SLTM: variants seen among roughly 807,000 people sequenced by gnomAD.
SLTM encodes SAFB like transcription modulator, also known as SAFB-like transcription modulator.
In SLTM, 43 loss-of-function variants were observed where a neutral mutation model predicts 134.6. That is an observed-to-expected ratio of 0.32 (90% CI 0.25 to 0.41). The LOEUF is 0.41. Ranked by LOEUF, SLTM falls within the 10% of genes least tolerant of loss-of-function variation. The probability of loss-of-function intolerance (pLI) is 1.00; values close to 1 mark genes in which losing one functional copy is unlikely to be tolerated. For synonymous variants in SLTM, 424 were observed against 432.3 expected, an observed-to-expected ratio of 0.98 and a Z score of 0.24; for missense variants, 1,055 against 1,288.8, an observed-to-expected ratio of 0.82 and a Z score of 2.78.
At position 58,917,060 on chromosome 15, in the gene SLTM, T is replaced by C. The variant is rs2036701587; in HGVS notation, c.251-61A>G. On this transcript the variant is annotated intron_variant, in intron 2 of 20. Coordinates refer to ENST00000380516, the MANE Select transcript of SLTM (RefSeq NM_024755.4). The stretch of plus-strand genomic sequence containing the variant: ...TTTATTACTTTAAGAACAAAAAATA[T>C]TCAGAGTTTACCCTGCAATAGCACT... 4 of 1,518,918 alleles carry C rather than the reference T, an allele frequency of 2.6e-6. No individual in the cohort carries two copies. The Admixed American group carries it at 5.1e-5, about 19-fold the overall frequency. 94.1% of individuals were successfully genotyped at this position (1,518,918 alleles called of 1,614,324 possible). A position where few individuals can be genotyped will look rare whatever the true frequency, so the allele number is the denominator to read the frequency against.
At chr15:58,916,504 A>G (rs2141150369) in intron 3 of SLTM, 2 of 155,112 alleles carry the variant, frequency 1.3e-5, no homozygotes, top group Admixed American at 1.3e-4. Context: ...GTAGTAACAC[A>G]TCAGCAATTT....
intron 5 of SLTM, among the ~76,000 whole-genome samples, chr15:58,906,050 T>G (rs1409138940): frequency 6.6e-6 from 1 of 152,210 alleles, no homozygotes; most frequent in African/African-American, 2.4e-5. Flanking sequence ...TTGATTTTAC[T>G]GTGCAGTATG....
chr15:58,907,486 G>T (rs1268387058), intron 5 of SLTM, among the ~76,000 whole-genome samples: 2 of 152,096 alleles, frequency 1.3e-5, no homozygotes, highest in Non-Finnish European at 2.9e-5. Flanking sequence ...GACGGGTGTG[G>T]TGGCGCACGC....
chr15:58,923,523 A>G (rs2037243220), intron 2 of SLTM, among the ~76,000 whole-genome samples: 1 of 152,274 alleles, frequency 6.6e-6, no homozygotes, highest in Admixed American at 6.5e-5. Flanking sequence ...CAGGTCCCTA[A>G]CTTTTGTAAT....
Position 58,887,506 on chromosome 15 carries a change from T to G in SLTM, c.2410A>C (p.Lys804Gln). ...DRFVGQSEGK[K>Q]ARPTARREDP... Reference sequence around the variant, plus strand: ...TCCCTTCGTGCAGTAGGTCGTGCTTTTTTCCCCTCACTTTGACCAACAAAG... The same window carrying G: ...TCCCTTCGTGCAGTAGGTCGTGCTTGTTTCCCCTCACTTTGACCAACAAAG... Residue 804 changes from lysine to glutamine, a missense_variant, in exon 18 of 21, where the codon AAA becomes CAA. Transcript: ENST00000380516. The G allele has an allele frequency of 6.2e-7, 1 of 1,613,070 alleles. No individual in the cohort carries two copies. Among genetic ancestry groups the G allele is most frequent in the South Asian group, 1.1e-5 (1 of 91,062 alleles).
At chr15:58,915,573 C>T (rs1461492990) in intron 3 of SLTM, among the ~76,000 whole-genome samples, 11 of 152,056 alleles carry the variant, frequency 7.2e-5, no homozygotes, top group African/African-American at 2.7e-4. Context: ...AATACCAAAA[C>T]TTAAAGGCTC....
At chr15:58,924,154 A>G (rs1455071235) in intron 2 of SLTM, among the ~76,000 whole-genome samples, 1 of 152,230 alleles carries the variant, frequency 6.6e-6, no homozygotes, top group African/African-American at 2.4e-5. Flanking sequence ...AAACTACAAA[A>G]TAAATTGGGC....
chr15:58,921,588 A>G (rs1435149369), intron 2 of SLTM: 4 of 445,502 alleles, frequency 9.0e-6, no homozygotes, highest in East Asian at 1.4e-4. Flanking sequence ...TTGTAATCTT[A>G]AAAGACATTA....
intron 19 of SLTM, 149 bp downstream of exon 19, chr15:58,886,826 T>TAA: frequency 1.0e-6 from 1 of 972,202 alleles, no homozygotes; most frequent in East Asian, 2.7e-5. Context: ...ATTCAGATTT[T>TAA]AAAAATTTAA....
intron 5 of SLTM, among the ~76,000 whole-genome samples, chr15:58,902,564 T>A (rs925028951): frequency 1.3e-5 from 2 of 151,588 alleles, no homozygotes; most frequent in African/African-American, 2.4e-5. Context: ...TTTTTTTTTT[T>A]AATTCTAAGT....
intron 2 of SLTM, among the ~76,000 whole-genome samples, chr15:58,919,102 G>A (rs371588144): frequency 1.2e-4 from 18 of 152,072 alleles, no homozygotes; most frequent in Non-Finnish European, 1.3e-4. Flanking sequence ...TAGTAGAGAC[G>A]GGGTTTCACC....
At chr15:58,890,650 A>G (rs569059890) in intron 14 of SLTM, among the ~76,000 whole-genome samples, 189 bp from the exon 15 acceptor site, 3 of 152,338 alleles carry the variant, frequency 2.0e-5, no homozygotes, top group South Asian at 2.1e-4. Flanking sequence ...TCACTTATCT[A>G]TAAATAAGAC....
chr15:58,883,780 G>A lies in SLTM; in HGVS notation c.2842C>T (p.Pro948Ser). The part of the protein sequence containing the change: ...TDRGGGSQHY[P>S]EERHVVERHG... Reference sequence around the variant, plus strand: ...CGTTCAACCACATGTCGCTCCTCAGGATAGTGCTAAAAGAATAGCATATGA... The same window carrying A: ...CGTTCAACCACATGTCGCTCCTCAGAATAGTGCTAAAAGAATAGCATATGA... Residue 948 changes from proline to serine, a missense_variant, in exon 20 of 21, where the codon CCT becomes TCT. Pro to Ser is a moderately conservative substitution (Grantham distance 74). Around this residue, in one of 3 missense-constraint regions of SLTM, gnomAD observed 776 missense variants for 962.2 expected, o/e 0.81. Transcript: ENST00000380516. The A allele has an allele frequency of 6.2e-7, 1 of 1,613,978 alleles. No individual in the cohort carries two copies. The highest frequency in any genetic ancestry group is 8.5e-7 in the Non-Finnish European group (1 of 1,179,956).
Position 58,889,501 on chromosome 15 carries a change from C to T in SLTM, c.2133G>A (p.Arg711=), listed in dbSNP as rs752789798. ...RIAREREELR[R]QQQQLRYEQE... The stretch of plus-strand genomic sequence containing the variant: ...GTTCATAACGAAGCTGCTGTTGTTG[C>T]CTTCTGAGTTCCTCTCTTTCTCGAG... Residue 711 remains arginine, a synonymous_variant, in exon 16 of 21, where the codon AGG becomes AGA. Transcript: ENST00000380516. The T allele has an allele frequency of 1.2e-6, 2 of 1,614,064 alleles. No individual in the cohort carries two copies. The highest frequency in any genetic ancestry group is 1.1e-5 in the South Asian group (1 of 91,080).
At chr15:58,919,426 CTCTT>C (rs1432534113) in intron 2 of SLTM, among the ~76,000 whole-genome samples, 1 of 151,998 alleles carries the variant, frequency 6.6e-6, no homozygotes, top group African/African-American at 2.4e-5. Flanking sequence ...AGATCCCTAT[CTCTT>C]CAAAAAAAAA....
intron 2 of SLTM, among the ~76,000 whole-genome samples, chr15:58,922,981 G>C (rs1356491208): frequency 1.3e-5 from 2 of 152,110 alleles, no homozygotes; most frequent in African/African-American, 4.8e-5. Flanking sequence ...CTCCCAAAGT[G>C]CTGGGATTAC....
chr15:58,885,060 C>T (rs182547651), intron 19 of SLTM, among the ~76,000 whole-genome samples: 5 of 152,322 alleles, frequency 3.3e-5, no homozygotes, highest in African/African-American at 1.2e-4. Flanking sequence ...AGACAAGGCA[C>T]GGCAGGGCCT....
At chr15:58,912,084 A>T (rs1472172966) in intron 5 of SLTM, among the ~76,000 whole-genome samples, 1 of 151,108 alleles carries the variant, frequency 6.6e-6, no homozygotes, top group East Asian at 1.9e-4. Flanking sequence ...GGCAACAAAA[A>T]TTTCAGCTGC....
chr15:58,904,199 CAG>C (rs1395739926), intron 5 of SLTM, among the ~76,000 whole-genome samples: 2 of 152,058 alleles, frequency 1.3e-5, no homozygotes, highest in Non-Finnish European at 2.9e-5. Context: ...TTGGCAAAGA[CAG>C]GGTTTCACCA....
Sources: allele counts gnomAD v4.1 joint callset (sites outside exome capture counted in the v4.1 genomes callset), GRCh38; gene constraint gnomAD v4.1.1; regional missense constraint gnomAD v4.1.1; transcripts MANE v1.5; gene names NCBI Gene and HGNC (gene_info 2026-07-23, HGNC 2026-07-21).